Variants in AGMO observed in about 807,000 individuals in gnomAD.
The protein encoded by AGMO is alkylglycerol monooxygenase, also known as glyceryl-ether monooxygenase.
A neutral mutation model predicts 60.2 loss-of-function variants in AGMO; 75 were observed. The ratio of observed to expected loss-of-function variants is 1.25; its 90% CI spans 1.03 to 1.51. The LOEUF (loss-of-function observed/expected upper bound fraction) is 1.51, where lower values mean the gene tolerates loss of function less well. AGMO is among the 40% of genes most tolerant of loss of function. The probability of loss-of-function intolerance (pLI) is 0.00; values close to 1 mark genes in which losing one functional copy is unlikely to be tolerated. For synonymous variants in AGMO, 261 were observed against 177.1 expected (o/e 1.47, Z -3.76); for missense variants, 763 against 525.5 (o/e 1.45, Z -4.42).
At chr7:15,120,048 T>C in the AGMO span, among the ~76,000 whole-genome samples, 1 of 152,010 alleles carries the variant, frequency 6.6e-6, no homozygotes, top group Non-Finnish European at 1.5e-5. Flanking sequence ...TTTTTGAGTG[T>C]TTACTCATTA....
At chr7:15,194,684 G>C in the AGMO span, among the ~76,000 whole-genome samples, 1 of 152,120 alleles carries the variant, frequency 6.6e-6, no homozygotes, top group Non-Finnish European at 1.5e-5. Context: ...AAGCAAATCA[G>C]TACTTAGCTT....
At chr7:15,198,896 C>T (rs1460708188), downstream of AGMO, among the ~76,000 whole-genome samples, 6 of 152,052 alleles carry the variant, frequency 3.9e-5, no homozygotes, top group South Asian at 2.1e-4. Flanking sequence ...GGGGAGAGTT[C>T]GAATCTTGTA....
intron 12 of AGMO, among the ~76,000 whole-genome samples, chr7:15,248,535 T>G (rs925436619): frequency 8.5e-5 from 13 of 152,100 alleles, no homozygotes; most frequent in African/African-American, 2.9e-4. Flanking sequence ...AAGTGGTGAC[T>G]TATGAGTCTT....
the AGMO span, among the ~76,000 whole-genome samples, chr7:15,193,676 C>T: frequency 6.6e-6 from 1 of 152,084 alleles, no homozygotes; most frequent in Non-Finnish European, 1.5e-5. Context: ...AAAGTTTTGT[C>T]AATCTTTACT....
chr7:15,472,044 T>G, intron 3 of AGMO, among the ~76,000 whole-genome samples: 1 of 151,876 alleles, frequency 6.6e-6, no homozygotes, highest in East Asian at 1.9e-4. Context: ...CCATTCAAAA[T>G]GCTGAAGCCT....
At chr7:15,480,320 T>C (rs570342379) in intron 3 of AGMO, among the ~76,000 whole-genome samples, 47 of 152,300 alleles carry the variant, frequency 3.1e-4, no homozygotes, top group Non-Finnish European at 5.6e-4. Context: ...GAGAGTCTTA[T>C]GATTAATGCA....
the AGMO span, among the ~76,000 whole-genome samples, chr7:15,173,275 A>C: frequency 4.5e-3 from 691 of 152,292 alleles, 4 homozygotes; most frequent in African/African-American, 0.016. Flanking sequence ...GCATGCACAT[A>C]AACTAATTCA....
chr7:15,357,603 G>C (rs190454857), intron 12 of AGMO, among the ~76,000 whole-genome samples: 1 of 152,248 alleles, frequency 6.6e-6, no homozygotes, highest in East Asian at 1.9e-4. Flanking sequence ...CTGAGCCTAG[G>C]CTTCAAGAAG....
chr7:15,155,419 C>CTTTTTTTTTTTTTTTTTTTTTTTTTTT, the AGMO span, among the ~76,000 whole-genome samples: 1 of 63,912 alleles, frequency 1.6e-5, no homozygotes, highest in Non-Finnish European at 2.8e-5. Flanking sequence ...TACAGAATTT[C>CTTTTTTTTTTTTTTTTTTTTTTTTTTT]TTTTTTTTTT....
intron 3 of AGMO, among the ~76,000 whole-genome samples, chr7:15,540,632 A>T (rs888238366): frequency 2.0e-5 from 3 of 152,178 alleles, no homozygotes; most frequent in Non-Finnish European, 4.4e-5. Context: ...AGAGGCAATA[A>T]ATTAATAACT....
intron 12 of AGMO, among the ~76,000 whole-genome samples, chr7:15,231,171 G>T (rs10232896): frequency 6.6e-6 from 1 of 152,090 alleles, no homozygotes; most frequent in African/African-American, 2.4e-5. Flanking sequence ...TAATTTCTCC[G>T]TAATTCCTAA....
intron 6 of AGMO, 100 bp downstream of exon 6, chr7:15,394,010 GTGC>G (rs1189800344): frequency 1.5e-6 from 1 of 660,522 alleles, no homozygotes. Context: ...TGTAAAATGT[GTGC>G]TGACTATATT....
chr7:15,247,455 CACACAG>C (rs1197626223), intron 12 of AGMO, among the ~76,000 whole-genome samples: 237 of 120,256 alleles, frequency 2.0e-3, no homozygotes, highest in African/African-American at 4.8e-3. Context: ...CACACACACA[CACACAG>C]AGAGAGAGAG....
At chr7:15,294,872 A>C (rs1333245808) in intron 12 of AGMO, among the ~76,000 whole-genome samples, 1 of 151,946 alleles carries the variant, frequency 6.6e-6, no homozygotes, top group Non-Finnish European at 1.5e-5. Flanking sequence ...AAAGTCATGA[A>C]ATTTATCGAA....
At chr7:15,493,362 C>CACACACAT (rs71004386) in intron 3 of AGMO, among the ~76,000 whole-genome samples, 13,814 of 102,104 alleles carry the variant, frequency 0.14, 1,264 homozygotes, top group Middle Eastern at 0.18. Context: ...CACACACACA[C>CACACACAT]TTCTTTTTTT....
intron 12 of AGMO, among the ~76,000 whole-genome samples, chr7:15,327,853 C>G (rs1781391667): frequency 4.0e-5 from 6 of 150,132 alleles, no homozygotes; most frequent in Admixed American, 3.3e-4. Context: ...CAGCTTTGAC[C>G]TACCAGCCTC....
chr7:15,540,687 A>G (rs1308475149), intron 3 of AGMO, among the ~76,000 whole-genome samples: 1 of 152,192 alleles, frequency 6.6e-6, no homozygotes, highest in Non-Finnish European at 1.5e-5. Context: ...TGATACAGTT[A>G]AAAACTGTAT....
intron 3 of AGMO, 130 bp downstream of exon 3, chr7:15,544,642 A>T: frequency 1.2e-6 from 1 of 813,512 alleles, no homozygotes; most frequent in Non-Finnish European, 1.7e-6. Context: ...CTTCATTATT[A>T]ATTTTTATAT....
At chr7:15,322,006 C>G (rs1442633972) in intron 12 of AGMO, among the ~76,000 whole-genome samples, 1 of 151,620 alleles carries the variant, frequency 6.6e-6, no homozygotes, top group Admixed American at 6.6e-5. Context: ...AGAGGTTAGG[C>G]TTTTTTCTTA....
Sources: gnomAD v4.1 joint callset for allele counts (sites outside exome capture counted in the v4.1 genomes callset) on GRCh38, gnomAD v4.1.1 for gene constraint, MANE v1.5 for transcripts, NCBI Gene and HGNC (gene_info 2026-07-23, HGNC 2026-07-21) for gene names.